BTF3L4: variants seen among roughly 807,000 people sequenced by gnomAD.
BTF3L4 encodes basic transcription factor 3 like 4, also known as transcription factor BTF3 homolog 4.
In BTF3L4, 6 loss-of-function variants were observed where a neutral mutation model predicts 16.8. The observed-to-expected ratio is 0.36, with a 90% confidence interval of 0.20 to 0.71. The LOEUF is 0.71. BTF3L4 is among the 30% of genes least tolerant of loss of function. The probability of loss-of-function intolerance (pLI) is 0.58; values close to 1 mark genes in which losing one functional copy is unlikely to be tolerated. For missense variants in BTF3L4, 92 were observed against 186.9 expected (o/e 0.49, Z 2.96); for synonymous variants, 39 against 59.8 (o/e 0.65, Z 1.60).
intron 3 of BTF3L4, among the ~76,000 whole-genome samples, chr1:52,066,593 C>T (rs1467001698): frequency 2.0e-5 from 3 of 151,432 alleles, no homozygotes; most frequent in African/African-American, 7.3e-5. Flanking sequence ...CCTGTAATCC[C>T]AGCACTTTGG....
chr1:52,079,240 G>A (rs57661336), intron 3 of BTF3L4, among the ~76,000 whole-genome samples: 1,816 of 151,840 alleles, frequency 0.012, 39 homozygotes, highest in African/African-American at 0.042. Flanking sequence ...TGAATTAGTC[G>A]GGCATGGTGG....
chr1:52,059,568 A>G (rs1363232652), intron 1 of BTF3L4, among the ~76,000 whole-genome samples: 1 of 152,128 alleles, frequency 6.6e-6, no homozygotes, highest in African/African-American at 2.4e-5. Flanking sequence ...TTAAGGAGGG[A>G]TCTTTGAATA....
At chr1:52,059,504 A>G (rs1290138102) in intron 1 of BTF3L4, among the ~76,000 whole-genome samples, 1 of 152,214 alleles carries the variant, frequency 6.6e-6, no homozygotes, top group Middle Eastern at 3.2e-3. Context: ...GCTTGCCTAC[A>G]GAGATTTCAT....
intron 3 of BTF3L4, among the ~76,000 whole-genome samples, chr1:52,077,401 G>A (rs1169616190): frequency 6.6e-6 from 1 of 152,124 alleles, no homozygotes; most frequent in African/African-American, 2.4e-5. Flanking sequence ...AATTAGCTGG[G>A]CGTGGTGTCA....
rs542365909 is a variant in BTF3L4 at position 52,073,012 on chromosome 1, C to T, written c.168+8074C>T. ...GGCGGAGGTTGCAGTGAGCCAAGATCGTGCCATTGCACTCCAGCCTGAGCA... is the reference window on the plus strand; with the variant it reads ...GGCGGAGGTTGCAGTGAGCCAAGATTGTGCCATTGCACTCCAGCCTGAGCA... On this transcript the variant is annotated intron_variant, in intron 3 of 5. Transcript: ENST00000313334. Among the ~76,000 whole-genome samples the T allele has an allele frequency of 3.3e-5, 5 of 152,254 alleles. No individual in the cohort carries two copies. The East Asian group carries it at 5.8e-4, about 18-fold the overall frequency.
chr1:52,084,964 CA>C (rs1243863176), intron 4 of BTF3L4, among the ~76,000 whole-genome samples: 1 of 150,240 alleles, frequency 6.7e-6, no homozygotes, highest in Non-Finnish European at 1.5e-5. Flanking sequence ...TTGTAGTGCC[CA>C]TACTACCTAG....
chr1:52,058,253 T>A (rs1478579232), intron 1 of BTF3L4, among the ~76,000 whole-genome samples: 1 of 152,204 alleles, frequency 6.6e-6, no homozygotes, highest in Non-Finnish European at 1.5e-5. Context: ...TAAAAGTGTT[T>A]TTAGCTGCTT....
rs1010656687 is a variant in BTF3L4 at position 52,089,033 on chromosome 1, TACAGGCGTGAGCC to T, written c.*2278_*2290del. On this transcript the variant is annotated 3_prime_UTR_variant, in exon 6 of 6. Coordinates refer to ENST00000313334, the MANE Select transcript of BTF3L4 (RefSeq NM_152265.5). ...CCTCGGCCTCCCAAAGTGCTAGGAT[TACAGGCGTGAGCC>T]ACTGCACCCAGCCCAAATGAGATGT... 1 of 152,056 alleles carries T rather than the reference TACAGGCGTGAGCC, an allele frequency of 6.6e-6. No individual in the cohort carries two copies. Among genetic ancestry groups the T allele is most frequent in the Admixed American group, 6.6e-5 (1 of 15,260 alleles). The allele number at this position is 152,056 out of a possible 1,614,324, so 9.4% of individuals were successfully genotyped here.
intron 2 of BTF3L4, chr1:52,060,517 A>C (rs932818300): frequency 1.0e-5 from 13 of 1,255,570 alleles, no homozygotes; most frequent in Non-Finnish European, 1.2e-5. Context: ...AGCCTAAGGA[A>C]GAACTAGTTG....
chr1:52,061,956 A>G (rs1473088630), intron 2 of BTF3L4, among the ~76,000 whole-genome samples: 2 of 143,500 alleles, frequency 1.4e-5, no homozygotes, highest in Non-Finnish European at 3.1e-5. Context: ...TTTTTTTTTA[A>G]GATGGAATCT....
At chr1:52,085,089 T>C (rs1357490080) in intron 4 of BTF3L4, among the ~76,000 whole-genome samples, 8 of 144,504 alleles carry the variant, frequency 5.5e-5, no homozygotes, top group Non-Finnish European at 9.0e-5. Context: ...GGCATGATCT[T>C]GGCTCACTGC....
chr1:52,068,327 G>A (rs1362346180), intron 3 of BTF3L4, among the ~76,000 whole-genome samples: 1 of 152,166 alleles, frequency 6.6e-6, no homozygotes, highest in Non-Finnish European at 1.5e-5. Flanking sequence ...TTTTGCCAAG[G>A]ACTTACTGGA....
At chr1:52,086,304 G>A in intron 5 of BTF3L4, 133 bp downstream of exon 5, 1 of 629,926 alleles carries the variant, frequency 1.6e-6, no homozygotes, top group Non-Finnish European at 2.6e-6. Flanking sequence ...AATGTGGATA[G>A]GATCTAATGA....
In BTF3L4 at chr1:52,086,908, C is replaced by T. The variant is rs948672130; in HGVS notation, c.*150C>T. ...ATAATGCTGTTTGTTCAGCATTTTTCGGTCATTTGATTTTGCATTTTGCAC... is the reference window on the plus strand; with the variant it reads ...ATAATGCTGTTTGTTCAGCATTTTTTGGTCATTTGATTTTGCATTTTGCAC... On this transcript the variant is annotated 3_prime_UTR_variant, in exon 6 of 6. Transcript: ENST00000313334. The T allele has an allele frequency of 1.1e-5, 5 of 440,040 alleles. No individual in the cohort carries two copies. The highest frequency in any genetic ancestry group is 4.3e-5 in the Admixed American group (1 of 23,202). 27.3% of individuals were successfully genotyped at this position (440,040 alleles called of 1,614,324 possible). A position where few individuals can be genotyped will look rare whatever the true frequency, so the allele number is the denominator to read the frequency against.
Position 52,088,884 on chromosome 1 carries a change from C to T in BTF3L4, c.*2126C>T, listed in dbSNP as rs1447440155. On this transcript the variant is annotated 3_prime_UTR_variant, in exon 6 of 6. Transcript: ENST00000313334. ...CTCCACCTCCCAGATTCAAGCGATT[C>T]TCCTGTCTCAGCCTCCACAGTAGCT... The T allele has an allele frequency of 6.6e-6, 1 of 150,452 alleles. No homozygotes were observed. The highest frequency in any genetic ancestry group is 1.5e-5 in the Non-Finnish European group (1 of 67,760). The allele number at this position is 150,452 out of a possible 1,614,324, so 9.3% of individuals were successfully genotyped here. A position where few individuals can be genotyped will look rare whatever the true frequency, so the allele number is the denominator to read the frequency against.
Position 52,080,197 on chromosome 1 carries a change from T to TA in BTF3L4, c.169-3141dup, listed in dbSNP as rs35370452. ...AATTTTTGTAGGCAAATAAGCGTTT[T>TA]AAGTATGAGAATGATTTAGTAGGAA... On this transcript the variant is annotated intron_variant, in intron 3 of 5. Transcript: ENST00000313334. Among the ~76,000 whole-genome samples, 714 of 152,200 alleles carry TA rather than the reference T, an allele frequency of 4.7e-3. 7 individuals are homozygous for TA. Among genetic ancestry groups the TA allele is most frequent in the African/African-American group, 0.015 (640 of 41,532 alleles).
chr1:52,056,573 GT>G (rs1686361995), intron 1 of BTF3L4, among the ~76,000 whole-genome samples, 194 bp downstream of exon 1: 1 of 152,242 alleles, frequency 6.6e-6, no homozygotes, highest in African/African-American at 2.4e-5. Context: ...CTGTGGGAAG[GT>G]CCCCAGCACC....
intron 5 of BTF3L4, 100 bp downstream of exon 5, chr1:52,086,271 A>C (rs933764579): frequency 4.6e-5 from 38 of 826,170 alleles, no homozygotes; most frequent in Non-Finnish European, 7.1e-5. Context: ...TTGTAAGCTC[A>C]TGAATTTAAA....
At chr1:52,079,042 A>G (rs1052152253) in intron 3 of BTF3L4, among the ~76,000 whole-genome samples, 6 of 152,200 alleles carry the variant, frequency 3.9e-5, no homozygotes, top group African/African-American at 1.4e-4. Flanking sequence ...TTAAATGCAT[A>G]TAATTTGCTT....
Sources: allele counts gnomAD v4.1 joint callset (sites outside exome capture counted in the v4.1 genomes callset), GRCh38; gene constraint gnomAD v4.1.1; transcripts MANE v1.5; gene names NCBI Gene and HGNC (gene_info 2026-07-23, HGNC 2026-07-21).